Variants in CACNG2 observed in about 807,000 individuals in gnomAD.
The protein encoded by CACNG2 is calcium voltage-gated channel auxiliary subunit gamma 2.
In CACNG2, 3 loss-of-function variants were observed where a neutral mutation model predicts 25.9. The ratio of observed to expected loss-of-function variants is 0.12; its 90% CI spans 0.05 to 0.30. The LOEUF (loss-of-function observed/expected upper bound fraction) is 0.30. CACNG2 is among the 10% of genes least tolerant of loss of function. The probability of loss-of-function intolerance (pLI) is 1.00; values close to 1 mark genes in which losing one functional copy is unlikely to be tolerated. For missense variants in CACNG2, 341 were observed against 432.5 expected (o/e 0.79, Z 1.88); for synonymous variants, 167 against 173.3 (o/e 0.96, Z 0.29).
At chr22:36,569,014 C>G (rs993780158) in intron 2 of CACNG2, among the ~76,000 whole-genome samples, 5 of 152,080 alleles carry the variant, frequency 3.3e-5, no homozygotes, top group Non-Finnish European at 7.4e-5. Context: ...CGCTGTATCC[C>G]TAACCTGATC....
In CACNG2 at chr22:36,564,120, T is replaced by C. The variant is rs1218380738; in HGVS notation, c.*231A>G. On this transcript the variant is annotated 3_prime_UTR_variant, in exon 4 of 4. Transcript: ENST00000300105. The surrounding 1 kb of genome is among the most constrained non-coding windows in gnomAD (Gnocchi z 6.7). ...TTATATTTTCCCACATTTCCTGTTG[T>C]TTTGCTTCTTTGTTCCTCTTATATT... is the stretch of plus-strand genomic sequence containing the variant. The C allele has an allele frequency of 1.0e-5, 4 of 399,792 alleles. No homozygotes were observed. Among genetic ancestry groups the C allele is most frequent in the Non-Finnish European group, 1.3e-5 (3 of 225,850 alleles). The allele number at this position is 399,792 out of a possible 1,614,324, so 24.8% of individuals were successfully genotyped here.
At chr22:36,580,353 G>A (rs1263011208) in intron 2 of CACNG2, among the ~76,000 whole-genome samples, 1 of 152,154 alleles carries the variant, frequency 6.6e-6, no homozygotes, top group African/African-American at 2.4e-5. Flanking sequence ...CCCCCAGGCT[G>A]CCTGTCATCG....
At chr22:36,683,859 C>T (rs542119124) in intron 1 of CACNG2, among the ~76,000 whole-genome samples, 10 of 152,236 alleles carry the variant, frequency 6.6e-5, no homozygotes, top group South Asian at 4.1e-4. Context: ...CTCCACCCCC[C>T]GCGACCCCTG....
intron 1 of CACNG2, among the ~76,000 whole-genome samples, chr22:36,592,058 C>A (rs1207511285): frequency 6.6e-6 from 1 of 151,644 alleles, no homozygotes; most frequent in African/African-American, 2.4e-5. Context: ...TTTTCTCTGG[C>A]CACATTTGTG....
intron 1 of CACNG2, among the ~76,000 whole-genome samples, chr22:36,654,467 A>G (rs935750880): frequency 3.9e-5 from 6 of 152,046 alleles, no homozygotes; most frequent in Non-Finnish European, 8.8e-5. Flanking sequence ...CCTGGGCCCA[A>G]GTGATCCTCC....
At chr22:36,590,433 G>A (rs901984521) in intron 1 of CACNG2, among the ~76,000 whole-genome samples, 1 of 152,142 alleles carries the variant, frequency 6.6e-6, no homozygotes, top group South Asian at 2.1e-4. Flanking sequence ...CTTGGCGAAT[G>A]CTTCTCCAGG....
At position 36,702,857 on chromosome 22, in the gene CACNG2, G is replaced by GAAA; in HGVS notation, c.-284_-282dup. 4.5e-6 allele frequency: 1 copy of GAAA among 223,848 alleles called. No homozygotes were observed. 13.9% of individuals were successfully genotyped at this position (223,848 alleles called of 1,614,324 possible). ...AGTGTTTTTTTTTTAAAAAGAAAAG[G>GAAA]AAAAAAAAAATAAAAAGACACCCCC... On this transcript the variant is annotated 5_prime_UTR_variant, in exon 1 of 4. Coordinates refer to ENST00000300105, the MANE Select transcript of CACNG2 (RefSeq NM_006078.5).
At chr22:36,623,746 T>A (rs1936142788) in intron 1 of CACNG2, among the ~76,000 whole-genome samples, 1 of 151,846 alleles carries the variant, frequency 6.6e-6, no homozygotes, top group African/African-American at 2.4e-5. Context: ...GTAATAAAAA[T>A]GATAATGATA....
At chr22:36,650,041 C>T (rs962403680) in intron 1 of CACNG2, among the ~76,000 whole-genome samples, 5 of 152,246 alleles carry the variant, frequency 3.3e-5, no homozygotes, top group Admixed American at 3.3e-4. Context: ...CCACCACCAA[C>T]TCCTGCCTGG....
chr22:36,640,642 T>C (rs141871828), intron 1 of CACNG2, among the ~76,000 whole-genome samples: 3 of 152,274 alleles, frequency 2.0e-5, no homozygotes, highest in Admixed American at 6.5e-5. Flanking sequence ...GCCTTCAGCA[T>C]CACCTTCCCT....
In CACNG2 at chr22:36,623,011, GGTTTTTTTT is replaced by G. The variant is rs1432672415; in HGVS notation, c.212-35472_212-35464del. On this transcript the variant is annotated intron_variant, in intron 1 of 3. Transcript: ENST00000300105. ...TTTCTCATTCAGTCTTCAAAACATG[GGTTTTTTTT>G]TTTTTTTTTTTTTTTTGAGACAGGA... 1.1e-4 allele frequency among the ~76,000 whole-genome samples: 10 copies of G among 93,202 alleles called. 2 individuals are homozygous for G. Among genetic ancestry groups the G allele is most frequent in the Admixed American group, 4.0e-4 (3 of 7,460 alleles). The allele number at this position is 93,202 out of a possible 152,430, so 61.1% of individuals were successfully genotyped here.
intron 1 of CACNG2, among the ~76,000 whole-genome samples, chr22:36,643,470 G>GTCTT (rs760588019): frequency 1.4e-5 from 2 of 139,888 alleles, no homozygotes; most frequent in East Asian, 4.8e-4. Flanking sequence ...ACATCTATCT[G>GTCTT]TCTGTCTATC....
Position 36,702,132 on chromosome 22 carries a change from A to G in CACNG2, c.211+234T>C, listed in dbSNP as rs570887897. On this transcript the variant is annotated intron_variant, in intron 1 of 3. Coordinates refer to ENST00000300105, the MANE Select transcript of CACNG2 (RefSeq NM_006078.5). ...TTTCACCATGTCATAGATTATTCCA[A>G]TGAGGATGTTTGAGGGGATGAGGGG... 1.1e-4 allele frequency among the ~76,000 whole-genome samples: 16 copies of G among 152,120 alleles called. No homozygotes were observed. The South Asian group carries it at 1.5e-3, about 14-fold the overall frequency.
chr22:36,685,834 T>A (rs898268504), intron 1 of CACNG2, among the ~76,000 whole-genome samples: 1 of 152,242 alleles, frequency 6.6e-6, no homozygotes, highest in African/African-American at 2.4e-5. Flanking sequence ...CTCCTTTTCT[T>A]ATTTTGTTCA....
At chr22:36,656,976 T>A (rs1601439859) in intron 1 of CACNG2, among the ~76,000 whole-genome samples, 1 of 152,172 alleles carries the variant, frequency 6.6e-6, no homozygotes, top group African/African-American at 2.4e-5. Context: ...GGGCCCTTCA[T>A]GAGGGTCAGG....
At position 36,563,141 on chromosome 22, in the gene CACNG2, C is replaced by A. The variant is rs916403969; in HGVS notation, c.*1210G>T. Among the ~76,000 whole-genome samples the A allele has an allele frequency of 6.6e-6, 1 of 152,084 alleles. No homozygotes were observed. Among genetic ancestry groups the A allele is most frequent in the African/African-American group, 2.4e-5 (1 of 41,406 alleles). On this transcript the variant is annotated 3_prime_UTR_variant, in exon 4 of 4. Transcript: ENST00000300105. Reference sequence around the variant, plus strand: ...TTTTTTTATTAAAAAAAAATCACCACTTGTTTTTCCTTTTTCTTTTGTAAA... The same window carrying A: ...TTTTTTTATTAAAAAAAAATCACCAATTGTTTTTCCTTTTTCTTTTGTAAA...
chr22:36,703,264 C>CGGCGGT lies in CACNG2; in HGVS notation c.-689_-688insACCGCC. 6.5e-6 allele frequency: 1 copy of CGGCGGT among 154,034 alleles called. No homozygotes were observed. The highest frequency in any genetic ancestry group is 1.4e-5 in the Non-Finnish European group (1 of 73,676). The allele number at this position is 154,034 out of a possible 1,614,324, so 9.5% of individuals were successfully genotyped here. A position where few individuals can be genotyped will look rare whatever the true frequency, so the allele number is the denominator to read the frequency against. ...GCGGCGGCGGCGGCGGCGGCGGCGG[C>CGGCGGT]AGGGCGGGCAGGCGCGGCGGCGGCG... is the stretch of plus-strand genomic sequence containing the variant. On this transcript the variant is annotated 5_prime_UTR_variant, in exon 1 of 4. Coordinates refer to ENST00000300105, the MANE Select transcript of CACNG2 (RefSeq NM_006078.5).
chr22:36,613,346 A>G (rs1335607260), intron 1 of CACNG2, among the ~76,000 whole-genome samples: 3 of 152,112 alleles, frequency 2.0e-5, no homozygotes, highest in African/African-American at 7.2e-5. Context: ...TTTCTCCCTC[A>G]AGTGCTAGTG....
chr22:36,654,796 ATTTCT>A, intron 1 of CACNG2, among the ~76,000 whole-genome samples: 1 of 152,272 alleles, frequency 6.6e-6, no homozygotes, highest in Non-Finnish European at 1.5e-5. Flanking sequence ...AGATTATTAC[ATTTCT>A]TTTCTAGTTA....
Sources: gnomAD v4.1 joint callset for allele counts (sites outside exome capture counted in the v4.1 genomes callset) on GRCh38, gnomAD v4.1.1 for gene constraint, Gnocchi (gnomAD v3.1) non-coding constraint, MANE v1.5 for transcripts, NCBI Gene and HGNC (gene_info 2026-07-23, HGNC 2026-07-21) for gene names.